LAMA2: variants seen among roughly 807,000 people sequenced by gnomAD.
LAMA2 encodes the protein laminin subunit alpha-2.
LAMA2 carries 269 observed loss-of-function variants against 364.8 expected under a neutral mutation model. The observed-to-expected ratio is 0.74, with a 90% confidence interval of 0.67 to 0.82. LAMA2 has a LOEUF of 0.82. Among genes scored for constraint, LAMA2 ranks in the 40% least tolerant of loss-of-function variants. The pLI is 0.00. For missense variants in LAMA2, 3,807 were observed against 3,873.2 expected, an observed-to-expected ratio of 0.98 and a Z score of 0.45; for synonymous variants, 1,379 against 1,370.6, an observed-to-expected ratio of 1.01 and a Z score of -0.14.
intron 1 of LAMA2, among the ~76,000 whole-genome samples, chr6:128,920,303 G>A (rs1251634214): frequency 2.6e-5 from 4 of 151,824 alleles, no homozygotes; most frequent in East Asian, 3.9e-4. Context: ...GACTACAGGC[G>A]TGTGCCACCA....
intron 12 of LAMA2, among the ~76,000 whole-genome samples, chr6:129,232,573 G>A (rs1205334925): frequency 6.6e-6 from 1 of 151,866 alleles, no homozygotes; most frequent in Non-Finnish European, 1.5e-5. Flanking sequence ...TAATAGCAAT[G>A]GATTTCAAAT....
At chr6:128,905,790 C>T (rs1354270144) in intron 1 of LAMA2, among the ~76,000 whole-genome samples, 1 of 151,698 alleles carries the variant, frequency 6.6e-6, no homozygotes, top group Non-Finnish European at 1.5e-5. Context: ...CCCACTCCCC[C>T]CACCCCACAA....
rs1416136016 is a variant in LAMA2 at position 129,366,455 on chromosome 6, G to A, written c.4860+94G>A. ...GTAATTGGTAAATGTTCTTCCCACA[G>A]CCCCAAATCAAGGGACACAACTGTT... On this transcript the variant is annotated intron_variant, in intron 33 of 64. Coordinates refer to ENST00000421865, the MANE Select transcript of LAMA2 (RefSeq NM_000426.4). 2.9e-6 allele frequency: 4 copies of A among 1,387,116 alleles called. No individual in the cohort carries two copies. The East Asian group carries it at 9.6e-5, about 33-fold the overall frequency. The allele number at this position is 1,387,116 out of a possible 1,614,324, so 85.9% of individuals were successfully genotyped here.
At position 129,102,797 on chromosome 6, in the gene LAMA2, A is replaced by T. The variant is rs138640170; in HGVS notation, c.639+4382A>T. On this transcript the variant is annotated intron_variant, in intron 4 of 64. Coordinates refer to ENST00000421865, the MANE Select transcript of LAMA2 (RefSeq NM_000426.4). The stretch of plus-strand genomic sequence containing the variant: ...AACTTTCTGATGCTACTGCCAGGCA[A>T]TGGAAATCTGGATCATCTTAATTCA... Among the ~76,000 whole-genome samples, 511 of 152,336 alleles carry T rather than the reference A, an allele frequency of 3.4e-3. 4 individuals carry two copies. Among genetic ancestry groups the T allele is most frequent in the Middle Eastern group, 6.8e-3 (2 of 294 alleles).
At chr6:129,316,004 G>A in intron 26 of LAMA2, 34 bp from the exon 27 acceptor site, 1 of 1,613,922 alleles carries the variant, frequency 6.2e-7, no homozygotes, top group Non-Finnish European at 8.5e-7. Flanking sequence ...TTTGCATTCA[G>A]TTTTGTCATA....
At position 129,391,549 on chromosome 6, in the gene LAMA2, T is replaced by C; in HGVS notation, c.5130T>C (p.Phe1710=). The part of the protein sequence containing the change: ...NETLGTRDEA[F]ERNLEGLQKE... ...CTCTAGGAACTCGAGACGAGGCCTT[T>C]GAGAGAAATTTGGAAGGGCTTCAGA... Residue 1710 remains phenylalanine (F), a synonymous_variant, in exon 36 of 65, where the codon TTT becomes TTC. Coordinates refer to ENST00000421865, the MANE Select transcript of LAMA2 (RefSeq NM_000426.4). The C allele has an allele frequency of 2.5e-6, 4 of 1,613,958 alleles. No individual in the cohort carries two copies. The highest frequency in any genetic ancestry group is 3.4e-6 in the Non-Finnish European group (4 of 1,179,888).
chr6:129,103,341 A>G (rs1368076041), intron 4 of LAMA2, among the ~76,000 whole-genome samples: 1 of 152,230 alleles, frequency 6.6e-6, no homozygotes, highest in Non-Finnish European at 1.5e-5. Flanking sequence ...TATGAAGATT[A>G]TAGAGAATCC....
At chr6:128,993,612 G>C (rs138028250) in intron 1 of LAMA2, among the ~76,000 whole-genome samples, 1 of 151,996 alleles carries the variant, frequency 6.6e-6, no homozygotes. Context: ...GTTGACAGTC[G>C]TGGTATATGA....
At chr6:129,507,174 A>G (rs575870636) in intron 61 of LAMA2, among the ~76,000 whole-genome samples, 35 of 152,106 alleles carry the variant, frequency 2.3e-4, no homozygotes, top group East Asian at 2.1e-3. Context: ...TAAGAGACCA[A>G]TTAAAACTTA....
intron 9 of LAMA2, among the ~76,000 whole-genome samples, chr6:129,175,751 C>T (rs1332714772): frequency 6.6e-5 from 10 of 151,932 alleles, no homozygotes; most frequent in South Asian, 2.1e-4. Flanking sequence ...GATGACAGGT[C>T]GATGGCTGCA....
intron 40 of LAMA2, among the ~76,000 whole-genome samples, chr6:129,426,294 C>G (rs565139357): frequency 3.3e-5 from 5 of 152,262 alleles, no homozygotes; most frequent in Non-Finnish European, 7.4e-5. Context: ...AATCTTCACA[C>G]ATTCTTTCAT....
chr6:129,281,095 C>T (rs73776911), intron 18 of LAMA2, among the ~76,000 whole-genome samples: 1 of 151,950 alleles, frequency 6.6e-6, no homozygotes, highest in African/African-American at 2.4e-5. Context: ...ATGACAGTTC[C>T]TAGCAGCAAC....
At chr6:129,446,199 G>A (rs930956151) in intron 45 of LAMA2, among the ~76,000 whole-genome samples, 1 of 151,782 alleles carries the variant, frequency 6.6e-6, no homozygotes, top group African/African-American at 2.4e-5. Context: ...CAACTAATGG[G>A]GTTATGGCAG....
intron 53 of LAMA2, 152 bp from the exon 54 acceptor site, chr6:129,478,541 G>A (rs528032736): frequency 3.9e-5 from 30 of 763,664 alleles, no homozygotes; most frequent in Admixed American, 1.4e-4. Context: ...AGTAGACAAT[G>A]GAAACCAGAG....
At chr6:129,102,200 C>T (rs922902006) in intron 4 of LAMA2, among the ~76,000 whole-genome samples, 6 of 149,576 alleles carry the variant, frequency 4.0e-5, no homozygotes, top group Non-Finnish European at 8.9e-5. Flanking sequence ...GCCATCTCAG[C>T]TCACTGTAAC....
At chr6:129,253,040 C>CT (rs535935136) in intron 14 of LAMA2, among the ~76,000 whole-genome samples, 13 of 152,246 alleles carry the variant, frequency 8.5e-5, no homozygotes, top group African/African-American at 2.9e-4. Flanking sequence ...TCCCCGCCCC[C>CT]TTTTTTTAAA....
At chr6:129,298,834 ATTCTAATTGATAAGT>A (rs1440401557) in intron 21 of LAMA2, among the ~76,000 whole-genome samples, 3 of 150,842 alleles carry the variant, frequency 2.0e-5, no homozygotes, top group Non-Finnish European at 2.9e-5. Context: ...TTGATAAGTT[ATTCTAATTGATAAGT>A]TATTCTAAAT....
intron 9 of LAMA2, among the ~76,000 whole-genome samples, chr6:129,170,694 C>A (rs1303491239): frequency 6.6e-6 from 1 of 152,066 alleles, no homozygotes; most frequent in African/African-American, 2.4e-5. Context: ...TGGTGCAGAG[C>A]TGTGTTCAAT....
chr6:128,911,241 T>C (rs1318200770), intron 1 of LAMA2, among the ~76,000 whole-genome samples: 2 of 152,196 alleles, frequency 1.3e-5, no homozygotes, highest in African/African-American at 4.8e-5. Flanking sequence ...CCAGCCTCGC[T>C]GCCGCCTTGC....
Sources: gnomAD v4.1 joint callset for allele counts (sites outside exome capture counted in the v4.1 genomes callset) on GRCh38, gnomAD v4.1.1 for gene constraint, MANE v1.5 for transcripts, NCBI Gene and HGNC (gene_info 2026-07-23, HGNC 2026-07-21) for gene names.